The following PLXND1 variants were observed in gnomAD, a reference collection of about 807,000 sequenced individuals.
PLXND1 encodes plexin-D1.
A neutral mutation model predicts 197.7 loss-of-function variants in PLXND1; 54 were observed. That is an observed-to-expected ratio of 0.27 (90% CI 0.22 to 0.34). The LOEUF is 0.34. Among genes scored for constraint, PLXND1 ranks in the 10% least tolerant of loss-of-function variants. The pLI is 1.00. For missense variants in PLXND1, 2,127 were observed against 2,699.2 expected, an observed-to-expected ratio of 0.79 and a Z score of 4.70; for synonymous variants, 1,180 against 1,161.2, an observed-to-expected ratio of 1.02 and a Z score of -0.33.
intron 1 of PLXND1, among the ~76,000 whole-genome samples, chr3:129,601,270 G>A (rs907768391): frequency 5.3e-5 from 8 of 152,164 alleles, no homozygotes; most frequent in Admixed American, 3.9e-4. Flanking sequence ...TGAGGGCTGC[G>A]GGGACCGAGG....
At chr3:129,573,225 A>T (rs760889761) in intron 13 of PLXND1, among the ~76,000 whole-genome samples, 3 of 151,956 alleles carry the variant, frequency 2.0e-5, no homozygotes, top group Non-Finnish European at 4.4e-5. Context: ...GCTCACGCGT[A>T]TTTCCTACGG....
At chr3:129,593,514 G>C (rs575603587) in intron 1 of PLXND1, among the ~76,000 whole-genome samples, 1 of 152,380 alleles carries the variant, frequency 6.6e-6, no homozygotes, top group Admixed American at 6.5e-5. Context: ...CCCAACTCCT[G>C]TGATGGCACT....
intron 3 of PLXND1, 109 bp from the exon 4 acceptor site, chr3:129,586,381 C>T: frequency 9.6e-7 from 1 of 1,046,588 alleles, no homozygotes; most frequent in Non-Finnish European, 1.4e-6. Context: ...AACTGAGGGT[C>T]AACACTCTAA....
chr3:129,600,978 A>C (rs1008537456), intron 1 of PLXND1, among the ~76,000 whole-genome samples: 8 of 152,108 alleles, frequency 5.3e-5, no homozygotes, highest in Non-Finnish European at 1.0e-4. Flanking sequence ...TTTTGTTTTA[A>C]AAATACAAAT....
At chr3:129,563,053 G>A (rs188369671) in intron 26 of PLXND1, 41 bp downstream of exon 26, 113 of 1,611,844 alleles carry the variant, frequency 7.0e-5, no homozygotes, top group South Asian at 5.4e-4. Flanking sequence ...CGTTGGCGGC[G>A]ACACAGCAGC....
intron 11 of PLXND1, 68 bp downstream of exon 11, chr3:129,575,401 G>C: frequency 1.0e-6 from 1 of 961,192 alleles, no homozygotes. Context: ...GGAATGAGTC[G>C]CACAAGGCTG....
chr3:129,557,323 C>T lies in PLXND1; in HGVS notation c.5446-100G>A. The T allele has an allele frequency of 3.7e-6, 5 of 1,367,994 alleles. No individual in the cohort carries two copies. The highest frequency in any genetic ancestry group is 3.7e-5 in the Admixed American group (2 of 53,350). 84.7% of individuals were successfully genotyped at this position (1,367,994 alleles called of 1,614,324 possible). ...TCATCCCTCCTGCCACATAAGTGAC[C>T]TTAGCAGGCCCCCGAGGCCCAAAGA... is the stretch of plus-strand genomic sequence containing the variant. On this transcript the variant is annotated intron_variant, in intron 33 of 35. Coordinates refer to ENST00000324093, the MANE Select transcript of PLXND1 (RefSeq NM_015103.3). This position sits in a 1 kb window ranked among gnomAD's most constrained non-coding sequence, Gnocchi z 4.8.
chr3:129,573,808 CCA>C (rs1352892080), intron 12 of PLXND1, 63 bp from the exon 13 acceptor site: 3 of 1,563,204 alleles, frequency 1.9e-6, no homozygotes, highest in Non-Finnish European at 2.6e-6. Flanking sequence ...AGGCTTCTGC[CCA>C]CAGTCACAGG....
rs1196107158 is a variant in PLXND1 at position 129,560,237 on chromosome 3, C to T, written c.5133+93G>A. The T allele has an allele frequency of 1.7e-5, 13 of 779,108 alleles. No homozygotes were observed. The South Asian group carries it at 1.8e-4, about 11-fold the overall frequency. The allele number at this position is 779,108 out of a possible 1,614,324, so 48.3% of individuals were successfully genotyped here. On this transcript the variant is annotated intron_variant, in intron 31 of 35. Coordinates refer to ENST00000324093, the MANE Select transcript of PLXND1 (RefSeq NM_015103.3). Reference sequence around the variant, plus strand: ...AGAACTCACACCCCTCTCCCAGCCGCGGGTGCACAGCTGGCCCTGAGCAAT... The same window carrying T: ...AGAACTCACACCCCTCTCCCAGCCGTGGGTGCACAGCTGGCCCTGAGCAAT...
At chr3:129,587,907 T>A (rs2085483715) in intron 2 of PLXND1, among the ~76,000 whole-genome samples, 1 of 152,254 alleles carries the variant, frequency 6.6e-6, no homozygotes, top group Non-Finnish European at 1.5e-5. Context: ...TGTCCCAGCC[T>A]GAGACACTCC....
chr3:129,580,361 G>A (rs1347106488), intron 8 of PLXND1, among the ~76,000 whole-genome samples: 10 of 152,186 alleles, frequency 6.6e-5, no homozygotes, highest in South Asian at 4.1e-4. Flanking sequence ...CGGAGTCAGC[G>A]GCGGGCCCCC....
At chr3:129,559,533 G>T in intron 32 of PLXND1, 87 bp downstream of exon 32, 3 of 1,078,310 alleles carry the variant, frequency 2.8e-6, no homozygotes, top group Non-Finnish European at 4.0e-6. Context: ...ACCCCAAGCA[G>T]GCGAGGCCAG....
intron 2 of PLXND1, among the ~76,000 whole-genome samples, chr3:129,587,782 T>G (rs1372184416): frequency 6.6e-6 from 1 of 152,270 alleles, no homozygotes; most frequent in East Asian, 1.9e-4. Context: ...TTGCCTATGC[T>G]GTGCTCTCCT....
At chr3:129,573,333 G>A (rs921487012) in intron 13 of PLXND1, among the ~76,000 whole-genome samples, 1 of 151,896 alleles carries the variant, frequency 6.6e-6, no homozygotes. Flanking sequence ...GGTGGAAGAA[G>A]GGCTGTGCTA....
chr3:129,557,295 C>A lies in PLXND1; in HGVS notation c.5446-72G>T, dbSNP rs1025831601. ...CGGATCTGGTCGTTTTCTGGATGAG[C>A]CCTCATCCCTCCTGCCACATAAGTG... On this transcript the variant is annotated intron_variant, in intron 33 of 35. Coordinates refer to ENST00000324093, the MANE Select transcript of PLXND1 (RefSeq NM_015103.3). This position sits in a 1 kb window ranked among gnomAD's most constrained non-coding sequence, Gnocchi z 4.8. 2.0e-6 allele frequency: 3 copies of A among 1,520,592 alleles called. No homozygotes were observed. Among genetic ancestry groups the A allele is most frequent in the African/African-American group, 2.7e-5 (2 of 73,020 alleles). 94.2% of individuals were successfully genotyped at this position (1,520,592 alleles called of 1,614,324 possible). A position where few individuals can be genotyped will look rare whatever the true frequency, so the allele number is the denominator to read the frequency against.
chr3:129,560,686 C>G lies in PLXND1; in HGVS notation c.5028+3G>C. ...TCCCCCGGGGCCGAGGTTGGGCACTCACCAAATGGAAATACTTCTCTGTGT... is the reference window on the plus strand; with the variant it reads ...TCCCCCGGGGCCGAGGTTGGGCACTGACCAAATGGAAATACTTCTCTGTGT... On this transcript the variant is annotated splice_donor_region_variant and intron_variant, in intron 30 of 35. Transcript: ENST00000324093. The G allele has an allele frequency of 6.2e-7, 1 of 1,603,988 alleles. No individual in the cohort carries two copies. Among genetic ancestry groups the G allele is most frequent in the Non-Finnish European group, 8.5e-7 (1 of 1,170,838 alleles).
intron 2 of PLXND1, among the ~76,000 whole-genome samples, chr3:129,588,768 T>C (rs967397427): frequency 6.6e-6 from 1 of 152,256 alleles, no homozygotes; most frequent in Non-Finnish European, 1.5e-5. Flanking sequence ...CTCCGCCATG[T>C]CTGTCCTGCC....
rs2084958020 is a variant in PLXND1, at chr3:129,555,323, G to A, written c.*989C>T. 7.1e-6 allele frequency: 4 copies of A among 560,748 alleles called. No individual in the cohort carries two copies. The highest frequency in any genetic ancestry group is 3.8e-5 in the Admixed American group (1 of 26,374). 34.7% of individuals were successfully genotyped at this position (560,748 alleles called of 1,614,324 possible). On this transcript the variant is annotated 3_prime_UTR_variant, in exon 36 of 36. Transcript: ENST00000324093. ...TCCCAACACTGGCTGAGTTGGCTGC[G>A]AGGGGCCCGCATGGCCCATCGGCCA... is the stretch of plus-strand genomic sequence containing the variant.
chr3:129,606,487 A>C lies in PLXND1; in HGVS notation c.153T>G (p.Arg51=). ...TGGTGGGCGTGGGCGAGGGGAACCG[A>C]CGCTGGATCTCCAGGGCGCCGGCCC... ...AARAGALEIQ[R]RFPSPTPTNN... Residue 51 remains arginine (R), a synonymous_variant, in exon 1 of 36, where the codon CGT becomes CGG. Transcript: ENST00000324093. 1 of 1,423,036 alleles carries C rather than the reference A, an allele frequency of 7.0e-7. No individual in the cohort carries two copies. The highest frequency in any genetic ancestry group is 1.5e-5 in the African/African-American group (1 of 66,854). 88.2% of individuals were successfully genotyped at this position (1,423,036 alleles called of 1,614,324 possible).
Sources: allele counts gnomAD v4.1 joint callset (sites outside exome capture counted in the v4.1 genomes callset), GRCh38; gene constraint gnomAD v4.1.1; non-coding constraint Gnocchi (gnomAD v3.1); transcripts MANE v1.5; gene names NCBI Gene and HGNC (gene_info 2026-07-23, HGNC 2026-07-21).